Variants in UNC13C observed in about 807,000 individuals in gnomAD.
The protein encoded by UNC13C is protein unc-13 homolog C.
A neutral mutation model predicts 245.4 loss-of-function variants in UNC13C; 174 were observed. That is an observed-to-expected ratio of 0.71 (90% CI 0.63 to 0.80). The LOEUF (loss-of-function observed/expected upper bound fraction) is 0.80, where lower values mean the gene tolerates loss of function less well. Ranked by LOEUF, UNC13C falls within the 30% of genes least tolerant of loss-of-function variation. The pLI, the probability that UNC13C is intolerant of heterozygous loss-of-function variation, is 0.00. For synonymous variants in UNC13C, 992 were observed against 895.1 expected, an observed-to-expected ratio of 1.11 and a Z score of -1.93; for missense variants, 2,829 against 2,602.9, an observed-to-expected ratio of 1.09 and a Z score of -1.89.
the UNC13C span, among the ~76,000 whole-genome samples, chr15:53,902,551 C>T: frequency 4.1e-4 from 62 of 152,234 alleles, no homozygotes; most frequent in African/African-American, 1.1e-3. Flanking sequence ...CCTGTAATGA[C>T]GGATGGGAAC....
At chr15:54,591,350 T>G (rs189414947) in intron 30 of UNC13C, among the ~76,000 whole-genome samples, 86 of 152,298 alleles carry the variant, frequency 5.6e-4, no homozygotes, top group Non-Finnish European at 1.0e-3. Context: ...TGTGGAATAG[T>G]GTCAAAAGGA....
chr15:54,243,366 T>C (rs1338186570), intron 7 of UNC13C, among the ~76,000 whole-genome samples: 2 of 152,220 alleles, frequency 1.3e-5, no homozygotes, highest in East Asian at 3.8e-4. Flanking sequence ...GTAGCACATT[T>C]TCTTTATCCA....
intron 19 of UNC13C, among the ~76,000 whole-genome samples, chr15:54,445,880 G>T (rs568802441): frequency 4.1e-4 from 62 of 152,092 alleles, no homozygotes; most frequent in African/African-American, 9.2e-4. Flanking sequence ...GCCTATGTCC[G>T]GAATGGTATT....
intron 19 of UNC13C, among the ~76,000 whole-genome samples, chr15:54,431,840 C>G (rs905967833): frequency 1.3e-5 from 2 of 151,432 alleles, no homozygotes; most frequent in African/African-American, 4.8e-5. Flanking sequence ...TTCTAGAGAT[C>G]ACATTAATCA....
At chr15:54,119,127 G>C (rs1302234862) in intron 2 of UNC13C, among the ~76,000 whole-genome samples, 1 of 151,796 alleles carries the variant, frequency 6.6e-6, no homozygotes, top group Non-Finnish European at 1.5e-5. Context: ...GAAGCCATCA[G>C]GTCCTGGGCT....
intron 19 of UNC13C, among the ~76,000 whole-genome samples, chr15:54,418,712 C>T (rs2040572681): frequency 6.6e-6 from 1 of 152,026 alleles, no homozygotes; most frequent in Non-Finnish European, 1.5e-5. Context: ...CTGGAAGTGG[C>T]TATGTGGGAA....
intron 1 of UNC13C, among the ~76,000 whole-genome samples, chr15:54,001,270 T>C (rs1453928053): frequency 6.6e-6 from 1 of 152,182 alleles, no homozygotes. Flanking sequence ...CTATAATACA[T>C]GTCATACAGT....
intron 17 of UNC13C, among the ~76,000 whole-genome samples, chr15:54,348,906 G>C (rs2140837079): frequency 6.6e-6 from 1 of 151,978 alleles, no homozygotes; most frequent in East Asian, 1.9e-4. Context: ...ACTTTTCTTA[G>C]ATATTTTTCC....
At chr15:54,350,265 C>T (rs1268158160) in intron 17 of UNC13C, among the ~76,000 whole-genome samples, 1 of 152,200 alleles carries the variant, frequency 6.6e-6, no homozygotes. Context: ...GCTGGGATTA[C>T]AGGCGTGAGA....
Position 54,523,649 on chromosome 15 carries a change from G to A in UNC13C, c.5458-1900G>A, listed in dbSNP as rs78692715. Among the ~76,000 whole-genome samples the A allele has an allele frequency of 7.5e-3, 1,134 of 152,208 alleles. 13 individuals carry two copies. The highest frequency in any genetic ancestry group is 0.026 in the African/African-American group (1,086 of 41,514). Reference sequence around the variant, plus strand: ...TAGCCATTTCTGTATGACCTTGAAGGCCTTATCTGGTGATAATCCTACCTC... The same window carrying A: ...TAGCCATTTCTGTATGACCTTGAAGACCTTATCTGGTGATAATCCTACCTC... On this transcript the variant is annotated intron_variant, in intron 24 of 32. Transcript: ENST00000260323.
intron 17 of UNC13C, among the ~76,000 whole-genome samples, chr15:54,358,368 T>A (rs1305516377): frequency 1.3e-5 from 2 of 152,104 alleles, no homozygotes; most frequent in African/African-American, 4.8e-5. Flanking sequence ...ATCATTGGTA[T>A]TTTCATAGGG....
intron 20 of UNC13C, among the ~76,000 whole-genome samples, 165 bp downstream of exon 20, chr15:54,494,899 A>T (rs1893882177): frequency 1.3e-5 from 2 of 152,026 alleles, no homozygotes; most frequent in African/African-American, 4.8e-5. Context: ...TTTGGGAACC[A>T]TATTTAATTG....
At chr15:54,354,927 C>A (rs1362946823) in intron 17 of UNC13C, among the ~76,000 whole-genome samples, 1 of 152,180 alleles carries the variant, frequency 6.6e-6, no homozygotes, top group Non-Finnish European at 1.5e-5. Flanking sequence ...GCCACAAGGG[C>A]TCTGCCCACA....
chr15:54,592,199 C>G (rs945225797), intron 30 of UNC13C, among the ~76,000 whole-genome samples: 1 of 152,090 alleles, frequency 6.6e-6, no homozygotes, highest in Non-Finnish European at 1.5e-5. Context: ...TATTGAGGCT[C>G]ATTTTATGGC....
Position 54,191,890 on chromosome 15 carries a change from T to C in UNC13C, c.3072-43140T>C, listed in dbSNP as rs551299393. Among the ~76,000 whole-genome samples, 12 of 152,306 alleles carry C rather than the reference T, an allele frequency of 7.9e-5. No individual in the cohort carries two copies. The East Asian group carries it at 1.9e-3, about 25-fold the overall frequency. On this transcript the variant is annotated intron_variant, in intron 4 of 32. Transcript: ENST00000260323. ...CTGTTCATATCCTTCACCCTCTTTT[T>C]GTTGGGGTTATTTTTTTCTTGTAAA...
chr15:54,240,204 T>A (rs939769785), intron 7 of UNC13C, among the ~76,000 whole-genome samples: 2 of 152,102 alleles, frequency 1.3e-5, no homozygotes, highest in African/African-American at 4.8e-5. Context: ...ACAGAATCCA[T>A]CAGTTATGTC....
chr15:53,950,584 C>T, the UNC13C span, among the ~76,000 whole-genome samples: 3 of 152,190 alleles, frequency 2.0e-5, no homozygotes, highest in South Asian at 4.2e-4. Flanking sequence ...AACTGATACT[C>T]CAAGTGTTTT....
At chr15:54,475,524 T>C (rs891774523) in intron 19 of UNC13C, among the ~76,000 whole-genome samples, 14 of 151,730 alleles carry the variant, frequency 9.2e-5, no homozygotes, top group African/African-American at 2.7e-4. Context: ...GTTCTCATTG[T>C]TCAATTCCCA....
At chr15:53,943,345 C>A in the UNC13C span, among the ~76,000 whole-genome samples, 1 of 152,174 alleles carries the variant, frequency 6.6e-6, no homozygotes, top group East Asian at 1.9e-4. Flanking sequence ...TCTGATAGGA[C>A]AAATTGACCA....
Sources: gnomAD v4.1 joint callset for allele counts (sites outside exome capture counted in the v4.1 genomes callset) on GRCh38, gnomAD v4.1.1 for gene constraint, MANE v1.5 for transcripts, NCBI Gene and HGNC (gene_info 2026-07-23, HGNC 2026-07-21) for gene names.